Variants in SLC41A3 observed in about 807,000 individuals in gnomAD.
The protein encoded by SLC41A3 is SLC41A1-like 2.
A neutral mutation model predicts 45.4 loss-of-function variants in SLC41A3; 44 were observed. The ratio of observed to expected loss-of-function variants is 0.97; its 90% confidence interval spans 0.76 to 1.25. SLC41A3 has a LOEUF of 1.25. SLC41A3 is among the 50% of genes most tolerant of loss of function. The pLI, the probability that SLC41A3 is intolerant of heterozygous loss-of-function variation, is 0.00. For synonymous variants in SLC41A3, 256 were observed against 252.4 expected (o/e 1.01, Z -0.13); for missense variants, 550 against 600.6 (o/e 0.92, Z 0.88).
At chr3:126,049,810 T>C (rs989765124) in intron 3 of SLC41A3, among the ~76,000 whole-genome samples, 2 of 152,176 alleles carry the variant, frequency 1.3e-5, no homozygotes, top group Non-Finnish European at 2.9e-5. Flanking sequence ...ATGAGTCTTA[T>C]GGGGTCAAAA....
At position 126,098,925 on chromosome 3, in the gene SLC41A3, C is replaced by CTTT. The variant is rs57262035; in HGVS notation, c.-79+2501_-79+2503dup. Among the ~76,000 whole-genome samples, 214 of 109,588 alleles carry CTTT rather than the reference C, an allele frequency of 2.0e-3. 2 individuals are homozygous for CTTT. The highest frequency in any genetic ancestry group is 3.9e-3 in the African/African-American group (98 of 25,368). 71.9% of individuals were successfully genotyped at this position (109,588 alleles called of 152,430 possible). A position where few individuals can be genotyped will look rare whatever the true frequency, so the allele number is the denominator to read the frequency against. ...TCCAGGAGGGATGGACATGACCTGG[C>CTTT]TTTTTTTTTTTTTTTTTTTTTTGTA... On this transcript the variant is annotated intron_variant, in intron 1 of 9. Transcript: ENST00000508835.
At chr3:126,063,914 C>G (rs1397344937) in intron 2 of SLC41A3, among the ~76,000 whole-genome samples, 1 of 145,092 alleles carries the variant, frequency 6.9e-6, no homozygotes, top group Non-Finnish European at 1.5e-5. Context: ...CACTGGGTGT[C>G]ACCACTGTCA....
Position 126,067,971 on chromosome 3 carries a change from G to T in SLC41A3, c.249C>A (p.Ala83=). Residue 83 remains alanine, a synonymous_variant, in exon 2 of 11, where the codon GCC becomes GCA. Transcript: ENST00000360370. ...FMFAGLGLSW[A]GMLLDYFQHW... ...CCTGGAAATAGTCCAGAAGCATGCCGGCCCAGGACAGTCCCAGGCCTGCAA... is the reference window on the plus strand; with the variant it reads ...CCTGGAAATAGTCCAGAAGCATGCCTGCCCAGGACAGTCCCAGGCCTGCAA... The T allele has an allele frequency of 6.2e-7, 1 of 1,607,686 alleles. No individual in the cohort carries two copies. The highest frequency in any genetic ancestry group is 1.3e-5 in the African/African-American group (1 of 74,710).
Position 126,012,624 on chromosome 3 carries a change from A to G in SLC41A3, c.1096T>C (p.Cys366Arg), listed in dbSNP as rs536188851. The change falls in exon 9 of 11, where the codon TGC becomes CGC. Residue 366 changes from cysteine (C) to arginine (R), a missense_variant. Coordinates refer to ENST00000360370, the MANE Select transcript of SLC41A3 (RefSeq NM_017836.4). ...AAGACATGACACCCACCTGACGTGC[A>G]GAAAGTAGAACACGGGTTGGGCCAG... is the stretch of plus-strand genomic sequence containing the variant. ...KFWPNPCSTF[C>R]TSEINSMSAR... 1.4e-5 allele frequency: 23 copies of G among 1,614,216 alleles called. 1 individual carries two copies. In the South Asian group the frequency reaches 2.2e-4, roughly 15 times the overall value.
intron 3 of SLC41A3, among the ~76,000 whole-genome samples, chr3:126,040,407 T>C (rs1042075283): frequency 6.6e-6 from 1 of 152,046 alleles, no homozygotes; most frequent in Non-Finnish European, 1.5e-5. Context: ...AGTGACAAAT[T>C]GGGTTGACGA....
chr3:126,024,789 G>C (rs1941199843), intron 5 of SLC41A3: 2 of 152,268 alleles, frequency 1.3e-5, no homozygotes, highest in Admixed American at 1.3e-4. Flanking sequence ...CGTGACCCAG[G>C]AGAGAGCTGG....
chr3:126,096,128 A>G (rs1271167339), intron 1 of SLC41A3, among the ~76,000 whole-genome samples: 3 of 152,240 alleles, frequency 2.0e-5, no homozygotes, highest in Middle Eastern at 3.2e-3. Flanking sequence ...GGCACACCTG[A>G]CCTTAATGCC....
chr3:126,007,859 C>A (rs564252787), intron 10 of SLC41A3, among the ~76,000 whole-genome samples: 81 of 152,242 alleles, frequency 5.3e-4, no homozygotes, highest in Non-Finnish European at 1.0e-3. Context: ...TGCCCTCCAG[C>A]GCCCACGGTG....
chr3:126,030,019 T>A (rs2107750790), intron 4 of SLC41A3, among the ~76,000 whole-genome samples: 1 of 146,508 alleles, frequency 6.8e-6, no homozygotes, highest in East Asian at 2.0e-4. Flanking sequence ...AAAATATGGG[T>A]CCCTACTTCA....
intron 2 of SLC41A3, chr3:126,057,145 C>G: frequency 1.0e-6 from 1 of 985,408 alleles, no homozygotes; most frequent in South Asian, 4.7e-5. Context: ...TCCTCAAGGT[C>G]AAGCAGTCTA....
At chr3:126,036,820 CT>C (rs1182981172) in intron 3 of SLC41A3, among the ~76,000 whole-genome samples, 1 of 152,190 alleles carries the variant, frequency 6.6e-6, no homozygotes, top group Non-Finnish European at 1.5e-5. Context: ...GATGGAACAT[CT>C]GTTTTGCTAT....
At chr3:126,090,767 C>T (rs1177893296) in intron 1 of SLC41A3, among the ~76,000 whole-genome samples, 1 of 152,194 alleles carries the variant, frequency 6.6e-6, no homozygotes, top group Non-Finnish European at 1.5e-5. Flanking sequence ...TATAAAAGCA[C>T]CCTCCCTCTA....
chr3:126,051,036 A>G lies in SLC41A3; in HGVS notation c.288T>C (p.Phe96=). 1 of 1,610,718 alleles carries G rather than the reference A, an allele frequency of 6.2e-7. No individual in the cohort carries two copies. Among genetic ancestry groups the G allele is most frequent in the East Asian group, 2.2e-5 (1 of 44,822 alleles). ...ATGTCAAAAGGTCTTTCACCTCCAC[A>G]AACACAGGCCAGTGCTGGTAGGGAA... ...LLDYFQHWPV[F]VEVKDLLTLV... The change falls in exon 3 of 11, where the codon TTT becomes TTC. Residue 96 remains phenylalanine, a synonymous_variant. Transcript: ENST00000360370.
At chr3:126,101,202 A>G (rs1945702521) in intron 1 of SLC41A3, among the ~76,000 whole-genome samples, 1 of 152,232 alleles carries the variant, frequency 6.6e-6, no homozygotes, top group Non-Finnish European at 1.5e-5. Context: ...GGGCAACAGC[A>G]TGACCCCCCT....
At chr3:126,086,408 G>GGTTT (rs776330275), upstream of SLC41A3, among the ~76,000 whole-genome samples, 523 of 21,142 alleles carry the variant, frequency 0.025, 10 homozygotes, top group Non-Finnish European at 0.046. Context: ...TTGTTTTCTT[G>GGTTT]TTTTTTTTTT....
upstream of SLC41A3, chr3:126,085,466 T>C (rs1024594400): frequency 6.6e-6 from 1 of 152,208 alleles, no homozygotes; most frequent in Admixed American, 6.5e-5. Context: ...GTGGGGCCCA[T>C]TGAAGCCTCC....
rs562237161 is a variant in SLC41A3, at chr3:126,026,864, T to A, written c.454-385A>T. On this transcript the variant is annotated intron_variant, in intron 4 of 10. Coordinates refer to ENST00000360370, the MANE Select transcript of SLC41A3 (RefSeq NM_017836.4). The surrounding 1 kb of genome is among the most constrained non-coding windows in gnomAD (Gnocchi z 4.2). ...TGCAGACAACACACCTCACTTGCCATGTGGTGTACCCCACGACACAGAGCA... is the reference window on the plus strand; with the variant it reads ...TGCAGACAACACACCTCACTTGCCAAGTGGTGTACCCCACGACACAGAGCA... Among the ~76,000 whole-genome samples the A allele has an allele frequency of 6.6e-6, 1 of 152,328 alleles. No individual in the cohort carries two copies. Among genetic ancestry groups the A allele is most frequent in the African/African-American group, 2.4e-5 (1 of 41,576 alleles).
At chr3:126,010,138 C>T (rs1344902133) in intron 9 of SLC41A3, among the ~76,000 whole-genome samples, 1 of 152,168 alleles carries the variant, frequency 6.6e-6, no homozygotes, top group Non-Finnish European at 1.5e-5. Flanking sequence ...AAGACTGAGT[C>T]CTGGCCTCAG....
In SLC41A3 at chr3:126,026,043, G is replaced by A. The variant is rs754371132; in HGVS notation, c.598+292C>T. On this transcript the variant is annotated intron_variant, in intron 5 of 10. Coordinates refer to ENST00000360370, the MANE Select transcript of SLC41A3 (RefSeq NM_017836.4). The surrounding 1 kb of genome is among the most constrained non-coding windows in gnomAD (Gnocchi z 4.2). ...TGTGCAGGTGTCAGGCCTCAGCACGGGAGTGTGACCAGCTGAAGAGACCTG... is the reference window on the plus strand; with the variant it reads ...TGTGCAGGTGTCAGGCCTCAGCACGAGAGTGTGACCAGCTGAAGAGACCTG... Among the ~76,000 whole-genome samples, 6 of 152,224 alleles carry A rather than the reference G, an allele frequency of 3.9e-5. No individual in the cohort carries two copies. The highest frequency in any genetic ancestry group is 7.3e-5 in the Non-Finnish European group (5 of 68,040).
Sources: allele counts gnomAD v4.1 joint callset (sites outside exome capture counted in the v4.1 genomes callset), GRCh38; gene constraint gnomAD v4.1.1; non-coding constraint Gnocchi (gnomAD v3.1); transcripts MANE v1.5; gene names NCBI Gene and HGNC (gene_info 2026-07-23, HGNC 2026-07-21).